The following DPYSL3 variants were observed in gnomAD, a reference collection of about 807,000 sequenced individuals.
DPYSL3 encodes the protein dihydropyrimidinase-related protein 3.
DPYSL3 carries 16 observed loss-of-function variants against 66.1 expected under a neutral mutation model. The observed-to-expected ratio is 0.24, with a 90% CI of 0.16 to 0.37. DPYSL3 has a LOEUF of 0.37. Among genes scored for constraint, DPYSL3 ranks in the 10% least tolerant of loss-of-function variants. The pLI is 1.00. For synonymous variants in DPYSL3, 338 were observed against 345.1 expected (o/e 0.98, Z 0.23); for missense variants, 738 against 916.2 (o/e 0.81, Z 2.51).
rs1561809822 is a variant in DPYSL3 at position 147,509,452 on chromosome 5, A to C, written c.381+26T>G. The C allele has an allele frequency of 6.8e-7, 1 of 1,480,610 alleles. No homozygotes were observed. The highest frequency in any genetic ancestry group is 8.9e-7 in the Non-Finnish European group (1 of 1,119,724). 91.7% of individuals were successfully genotyped at this position (1,480,610 alleles called of 1,614,324 possible). A position where few individuals can be genotyped will look rare whatever the true frequency, so the allele number is the denominator to read the frequency against. On this transcript the variant is annotated intron_variant, in intron 1 of 13. Coordinates refer to ENST00000343218, the MANE Select transcript of DPYSL3 (RefSeq NM_001197294.2). The surrounding 1 kb of genome is among the most constrained non-coding windows in gnomAD (Gnocchi z 5.3). ...GCTGGAGAAAGGAACGAAGGCAAGG[A>C]GGGAAGTGACCCGGGGCCCCCTTAC...
chr5:147,443,722 G>A (rs181061615), intron 1 of DPYSL3, among the ~76,000 whole-genome samples: 11 of 152,134 alleles, frequency 7.2e-5, no homozygotes, highest in Admixed American at 5.9e-4. Context: ...TAAGAGAATG[G>A]GGCATGCAGT....
At chr5:147,413,504 C>A in intron 5 of DPYSL3, 92 bp downstream of exon 5, 1 of 993,034 alleles carries the variant, frequency 1.0e-6, no homozygotes. Context: ...CCCACAGTGA[C>A]CACAGTGATT....
At chr5:147,491,318 G>A (rs1753411129) in intron 1 of DPYSL3, among the ~76,000 whole-genome samples, 7 of 152,270 alleles carry the variant, frequency 4.6e-5, no homozygotes, top group Admixed American at 4.6e-4. Context: ...CCTACACCTT[G>A]CCACTACATT....
intron 1 of DPYSL3, among the ~76,000 whole-genome samples, chr5:147,480,558 G>A (rs1753219854): frequency 6.6e-6 from 1 of 152,024 alleles, no homozygotes; most frequent in South Asian, 2.1e-4. Flanking sequence ...CACACAGCTG[G>A]TAAGCAGCAT....
At chr5:147,401,050 C>T (rs1425186232) in intron 9 of DPYSL3, among the ~76,000 whole-genome samples, 1 of 152,184 alleles carries the variant, frequency 6.6e-6, no homozygotes, top group East Asian at 1.9e-4. Flanking sequence ...ATTAGCTCAT[C>T]TCTTTTGTAG....
At chr5:147,395,320 A>C (rs1038345217) in intron 13 of DPYSL3, among the ~76,000 whole-genome samples, 6 of 152,200 alleles carry the variant, frequency 3.9e-5, no homozygotes, top group African/African-American at 1.4e-4. Context: ...TCTAGGCAGA[A>C]TCAGTTACCA....
At chr5:147,440,914 TA>T (rs1752519481) in intron 1 of DPYSL3, among the ~76,000 whole-genome samples, 1 of 152,212 alleles carries the variant, frequency 6.6e-6, no homozygotes. Context: ...AGTTAGTTAA[TA>T]ATGATGTAAC....
rs909368057 is a variant in DPYSL3 at position 147,393,701 on chromosome 5, C to T, written c.*334G>A. 10 of 224,326 alleles carry T rather than the reference C, an allele frequency of 4.5e-5. No homozygotes were observed. The highest frequency in any genetic ancestry group is 9.0e-5 in the Non-Finnish European group (10 of 111,618). The allele number at this position is 224,326 out of a possible 1,614,324, so 13.9% of individuals were successfully genotyped here. A position where few individuals can be genotyped will look rare whatever the true frequency, so the allele number is the denominator to read the frequency against. On this transcript the variant is annotated 3_prime_UTR_variant, in exon 14 of 14. Coordinates refer to ENST00000343218, the MANE Select transcript of DPYSL3 (RefSeq NM_001197294.2). ...TTTGTTCATTTCCCTGACGTCCCAG[C>T]TTGTCTGTCCCCTTGTCATAAGATG...
At chr5:147,397,521 T>C (rs1758025872) in intron 12 of DPYSL3, 145 bp downstream of exon 12, 1 of 870,692 alleles carries the variant, frequency 1.1e-6, no homozygotes, top group East Asian at 2.7e-5. Flanking sequence ...ATTAAGTCTG[T>C]GTAGTTGTTC....
intron 1 of DPYSL3, among the ~76,000 whole-genome samples, chr5:147,446,615 A>G (rs1752634343): frequency 6.6e-6 from 1 of 152,186 alleles, no homozygotes; most frequent in African/African-American, 2.4e-5. Flanking sequence ...CAGCCTGGCT[A>G]TGTCTGGGAA....
At chr5:147,465,488 C>G (rs1476810515) in intron 1 of DPYSL3, among the ~76,000 whole-genome samples, 6 of 152,148 alleles carry the variant, frequency 3.9e-5, no homozygotes, top group Non-Finnish European at 1.5e-5. Context: ...TTAGTAGAGA[C>G]TGGGTTTCAC....
At chr5:147,395,864 G>T in intron 12 of DPYSL3, 143 bp from the exon 13 acceptor site, 1 of 1,047,908 alleles carries the variant, frequency 9.5e-7, no homozygotes, top group Non-Finnish European at 1.4e-6. Flanking sequence ...GAAGGGAGAA[G>T]TAGTATAAAA....
intron 1 of DPYSL3, among the ~76,000 whole-genome samples, chr5:147,490,975 G>A (rs1462598385): frequency 6.6e-6 from 1 of 152,156 alleles, no homozygotes; most frequent in South Asian, 2.1e-4. Flanking sequence ...CTTCTGTCAG[G>A]GAGAGGAGAG....
chr5:147,469,236 C>T lies in DPYSL3; in HGVS notation c.381+40242G>A, dbSNP rs966967983. ...CTGTAGGGCAATATCAATACACCTCCTTGACTGTTCTTTAGGTCCCCTTGC... is the reference window on the plus strand; with the variant it reads ...CTGTAGGGCAATATCAATACACCTCTTTGACTGTTCTTTAGGTCCCCTTGC... On this transcript the variant is annotated intron_variant, in intron 1 of 13. Transcript: ENST00000343218. 7.2e-5 allele frequency among the ~76,000 whole-genome samples: 11 copies of T among 152,188 alleles called. 1 individual carries two copies. Among genetic ancestry groups the T allele is most frequent in the Non-Finnish European group, 1.5e-4 (10 of 68,000 alleles).
At chr5:147,490,799 CT>C (rs1314814098) in intron 1 of DPYSL3, among the ~76,000 whole-genome samples, 2 of 152,098 alleles carry the variant, frequency 1.3e-5, no homozygotes, top group African/African-American at 4.8e-5. Flanking sequence ...AAAACTTGAA[CT>C]GCAATTGGTT....
At chr5:147,439,771 G>C (rs1752496956) in intron 1 of DPYSL3, among the ~76,000 whole-genome samples, 1 of 152,146 alleles carries the variant, frequency 6.6e-6, no homozygotes, top group African/African-American at 2.4e-5. Context: ...CTACTCTAAA[G>C]GTAGAACCAA....
chr5:147,441,996 T>C (rs1373647217), intron 1 of DPYSL3, among the ~76,000 whole-genome samples: 1 of 152,342 alleles, frequency 6.6e-6, no homozygotes, highest in Admixed American at 6.5e-5. Flanking sequence ...TATAAGGCCA[T>C]AATTTAAACC....
chr5:147,395,590 C>G lies in DPYSL3; in HGVS notation c.1935G>C (p.Arg645Ser). ...GSPTRPNPPV[R>S]NLHQSGFSLS... is the part of the protein sequence containing the mutation. ...GGCTAAATCCCGACTGATGAAGATT[C>G]CTCACAGGTGGGTTCGGCCGAGTAG... The change falls in exon 13 of 14, where the codon AGG becomes AGC. Residue 645 changes from arginine (R) to serine (S), a missense_variant. Physicochemically the swap from Arg to Ser is moderately radical, Grantham distance 110. Coordinates refer to ENST00000343218, the MANE Select transcript of DPYSL3 (RefSeq NM_001197294.2). 1 of 1,613,710 alleles carries G rather than the reference C, an allele frequency of 6.2e-7. No homozygotes were observed. The highest frequency in any genetic ancestry group is 1.1e-5 in the South Asian group (1 of 90,954).
intron 1 of DPYSL3, among the ~76,000 whole-genome samples, chr5:147,480,298 C>T (rs1170935768): frequency 6.6e-6 from 1 of 152,184 alleles, no homozygotes; most frequent in Non-Finnish European, 1.5e-5. Flanking sequence ...AGAGATCCCT[C>T]CTCCAAAATC....
Sources: gnomAD v4.1 joint callset for allele counts (sites outside exome capture counted in the v4.1 genomes callset) on GRCh38, gnomAD v4.1.1 for gene constraint, Gnocchi (gnomAD v3.1) non-coding constraint, MANE v1.5 for transcripts, NCBI Gene and HGNC (gene_info 2026-07-23, HGNC 2026-07-21) for gene names.